The following PXDNL variants were observed in gnomAD, a reference collection of about 807,000 sequenced individuals.
PXDNL encodes the protein peroxidasin like, also known as probable oxidoreductase PXDNL.
In PXDNL, 145 loss-of-function variants were observed where a neutral mutation model predicts 150.8. The observed-to-expected ratio is 0.96, with a 90% CI of 0.84 to 1.10. The LOEUF (loss-of-function observed/expected upper bound fraction) is 1.10. PXDNL is among the 50% of genes least tolerant of loss of function. The probability of loss-of-function intolerance (pLI) is 0.00; values close to 1 mark genes in which losing one functional copy is unlikely to be tolerated. For synonymous variants in PXDNL, 757 were observed against 725.7 expected, an observed-to-expected ratio of 1.04 and a Z score of -0.69; for missense variants, 2,087 against 1,873.9, an observed-to-expected ratio of 1.11 and a Z score of -2.10.
chr8:51,518,885 T>C (rs568460119), intron 4 of PXDNL, among the ~76,000 whole-genome samples: 1 of 152,002 alleles, frequency 6.6e-6, no homozygotes, highest in South Asian at 2.1e-4. Flanking sequence ...TGTCACCTAA[T>C]GAAGAGAGGC....
chr8:51,433,568 A>G (rs1170409679), intron 12 of PXDNL, among the ~76,000 whole-genome samples: 1 of 152,120 alleles, frequency 6.6e-6, no homozygotes, highest in Non-Finnish European at 1.5e-5. Context: ...GACTGGGTTG[A>G]CTTTTAGAAC....
At chr8:51,453,371 G>T in intron 10 of PXDNL, 148 bp downstream of exon 10, 1 of 901,612 alleles carries the variant, frequency 1.1e-6, no homozygotes, top group Non-Finnish European at 1.7e-6. Flanking sequence ...ACTTGAAACA[G>T]ATTAGCTTTG....
chr8:51,808,936 T>C (rs1196348488), intron 1 of PXDNL, among the ~76,000 whole-genome samples: 1 of 152,222 alleles, frequency 6.6e-6, no homozygotes, highest in East Asian at 1.9e-4. Flanking sequence ...TTCTCAATGC[T>C]AAGTTCTGGA....
chr8:51,355,300 G>T (rs181256520), intron 19 of PXDNL, among the ~76,000 whole-genome samples: 1 of 152,242 alleles, frequency 6.6e-6, no homozygotes, highest in Non-Finnish European at 1.5e-5. Flanking sequence ...CAATTTATTT[G>T]AAAGAAAGTC....
At chr8:51,445,175 C>T (rs1195032894) in intron 12 of PXDNL, among the ~76,000 whole-genome samples, 1 of 152,174 alleles carries the variant, frequency 6.6e-6, no homozygotes, top group Non-Finnish European at 1.5e-5. Flanking sequence ...TAGCCTCAGC[C>T]TCTCAAAGTG....
intron 20 of PXDNL, among the ~76,000 whole-genome samples, chr8:51,345,353 G>C (rs1806115942): frequency 6.6e-6 from 1 of 152,028 alleles, no homozygotes; most frequent in Non-Finnish European, 1.5e-5. Flanking sequence ...GATTTCAAAG[G>C]AATAAGACTG....
At chr8:51,657,271 T>C (rs1815170949) in intron 1 of PXDNL, among the ~76,000 whole-genome samples, 1 of 152,230 alleles carries the variant, frequency 6.6e-6, no homozygotes, top group Admixed American at 6.5e-5. Context: ...TGCACCATTG[T>C]AAGTCAACAA....
chr8:51,438,625 G>A (rs887593571), intron 12 of PXDNL, among the ~76,000 whole-genome samples: 1 of 152,182 alleles, frequency 6.6e-6, no homozygotes, highest in African/African-American at 2.4e-5. Context: ...TGAGGCAGGA[G>A]AATGGCGTGA....
intron 2 of PXDNL, among the ~76,000 whole-genome samples, chr8:51,614,487 G>A (rs189449111): frequency 7.9e-5 from 12 of 151,922 alleles, no homozygotes; most frequent in Admixed American, 5.2e-4. Flanking sequence ...TCCCTTTTTC[G>A]CCCATAAACT....
intron 17 of PXDNL, among the ~76,000 whole-genome samples, chr8:51,379,184 T>G (rs774261235): frequency 2.0e-5 from 3 of 152,246 alleles, no homozygotes; most frequent in Non-Finnish European, 4.4e-5. Flanking sequence ...GATAACTTGT[T>G]ATTTTCAAAC....
intron 1 of PXDNL, among the ~76,000 whole-genome samples, chr8:51,794,420 G>A (rs989986585): frequency 6.6e-6 from 1 of 152,082 alleles, no homozygotes; most frequent in African/African-American, 2.4e-5. Flanking sequence ...GGAGAGAAAG[G>A]CCAGGTCCCC....
intron 4 of PXDNL, among the ~76,000 whole-genome samples, chr8:51,518,205 T>C (rs1585543386): frequency 6.6e-6 from 1 of 152,214 alleles, no homozygotes; most frequent in Non-Finnish European, 1.5e-5. Context: ...TGAGGACTTC[T>C]GTAAACCCAC....
intron 17 of PXDNL, among the ~76,000 whole-genome samples, chr8:51,393,134 A>G (rs1192423149): frequency 1.3e-5 from 2 of 152,220 alleles, no homozygotes; most frequent in African/African-American, 4.8e-5. Flanking sequence ...ACCTATAGAA[A>G]GACAGGTTTC....
At chr8:51,476,934 A>ACAAAAAGTCCTTACACAAAAAGTCCT (rs1810492101) in intron 6 of PXDNL, among the ~76,000 whole-genome samples, 1 of 152,246 alleles carries the variant, frequency 6.6e-6, no homozygotes, top group South Asian at 2.1e-4. Context: ...CCTTACAAAC[A>ACAAAAAGTCCTTACACAAAAAGTCCT]TGGAAAAACA....
intron 4 of PXDNL, among the ~76,000 whole-genome samples, chr8:51,508,473 T>C (rs540323530): frequency 1.3e-5 from 2 of 152,284 alleles, no homozygotes; most frequent in Admixed American, 1.3e-4. Flanking sequence ...TTAGTCCCTC[T>C]CCCTGCCATG....
In PXDNL at chr8:51,409,595, C is replaced by T. The variant is rs777291510; in HGVS notation, c.2063-34G>A. The T allele has an allele frequency of 2.0e-6, 3 of 1,507,192 alleles. No individual in the cohort carries two copies. In the South Asian group the frequency reaches 3.9e-5, roughly 19 times the overall value. 93.4% of individuals were successfully genotyped at this position (1,507,192 alleles called of 1,614,324 possible). A position where few individuals can be genotyped will look rare whatever the true frequency, so the allele number is the denominator to read the frequency against. The stretch of plus-strand genomic sequence containing the variant: ...CAAGCGGCGAAAGCCGTGAGGAGGG[C>T]GGGCCTGGGAGGGCGCGGGCAACTT... On this transcript the variant is annotated intron_variant, in intron 16 of 22. Transcript: ENST00000356297.
rs139060634 is a variant in PXDNL at position 51,418,016 on chromosome 8, A to G, written c.1796-4758T>C. On this transcript the variant is annotated intron_variant, in intron 14 of 22. Coordinates refer to ENST00000356297, the MANE Select transcript of PXDNL (RefSeq NM_144651.5). ...TAAACTATTCAAACACTACAACACC[A>G]AAAATCTGGAAATGCTACTTACACA... Among the ~76,000 whole-genome samples, 22 of 152,332 alleles carry G rather than the reference A, an allele frequency of 1.4e-4. 1 individual carries two copies. The highest frequency in any genetic ancestry group is 6.8e-3 in the Middle Eastern group (2 of 294).
chr8:51,496,648 C>T (rs28865671), intron 5 of PXDNL, among the ~76,000 whole-genome samples: 2,102 of 152,176 alleles, frequency 0.014, 51 homozygotes, highest in African/African-American at 0.047. Context: ...CAATAACAGA[C>T]AAACAGAGAG....
intron 19 of PXDNL, among the ~76,000 whole-genome samples, chr8:51,371,436 A>G (rs79142943): frequency 0.015 from 2,341 of 152,316 alleles, 58 homozygotes; most frequent in African/African-American, 0.051. Flanking sequence ...ACTCTATCAA[A>G]ATTTCCTTGT....
Sources: allele counts gnomAD v4.1 joint callset (sites outside exome capture counted in the v4.1 genomes callset), GRCh38; gene constraint gnomAD v4.1.1; transcripts MANE v1.5; gene names NCBI Gene and HGNC (gene_info 2026-07-23, HGNC 2026-07-21).